VIPR1: variants seen among roughly 807,000 people sequenced by gnomAD.
The protein encoded by VIPR1 is vasoactive intestinal polypeptide receptor 1.
Under a neutral mutation model 58.8 loss-of-function variants are expected in VIPR1, and 59 were observed. The ratio of observed to expected loss-of-function variants is 1.00; its 90% CI spans 0.81 to 1.25. The LOEUF (loss-of-function observed/expected upper bound fraction) is 1.25, where lower values mean the gene tolerates loss of function less well. VIPR1 is among the 50% of genes most tolerant of loss of function. The pLI is 0.00. For synonymous variants in VIPR1, 251 were observed against 242.1 expected, an observed-to-expected ratio of 1.04 and a Z score of -0.34; for missense variants, 626 against 602.7, an observed-to-expected ratio of 1.04 and a Z score of -0.40.
chr3:42,498,699 T>C (rs978060130), upstream of VIPR1, among the ~76,000 whole-genome samples: 3 of 152,102 alleles, frequency 2.0e-5, no homozygotes, highest in Non-Finnish European at 4.4e-5. Context: ...GATGCAGGTG[T>C]AGCACCAACA....
chr3:42,503,665 G>A (rs1699981173), intron 1 of VIPR1, among the ~76,000 whole-genome samples: 3 of 152,106 alleles, frequency 2.0e-5, no homozygotes, highest in African/African-American at 7.2e-5. Context: ...TCTAGAACAG[G>A]GGAGACCTCA....
chr3:42,517,138 T>C (rs539808165), intron 2 of VIPR1, among the ~76,000 whole-genome samples: 1 of 152,326 alleles, frequency 6.6e-6, no homozygotes, highest in Admixed American at 6.5e-5. Context: ...CCAGGTGTCC[T>C]CCTCAGCCTT....
At chr3:42,508,269 C>A (rs768141337) in intron 1 of VIPR1, among the ~76,000 whole-genome samples, 16 of 152,148 alleles carry the variant, frequency 1.1e-4, no homozygotes, top group Non-Finnish European at 2.1e-4. Flanking sequence ...TGACCCTCAA[C>A]CCCAATTCTA....
intron 3 of VIPR1, 191 bp downstream of exon 3, chr3:42,519,521 G>C (rs1321064978): frequency 8.3e-6 from 4 of 479,594 alleles, no homozygotes; most frequent in Non-Finnish European, 1.5e-5. Context: ...TTCACATAAA[G>C]ATAAGCATGT....
At chr3:42,523,885 T>G (rs1417288644) in intron 3 of VIPR1, among the ~76,000 whole-genome samples, 2 of 151,694 alleles carry the variant, frequency 1.3e-5, no homozygotes, top group African/African-American at 4.9e-5. Context: ...TGGTGTGATC[T>G]CGGCTCACTG....
At chr3:42,527,338 C>T in intron 4 of VIPR1, 55 bp from the exon 5 acceptor site, 3 of 1,550,528 alleles carry the variant, frequency 1.9e-6, no homozygotes, top group Non-Finnish European at 2.7e-6. Context: ...GCCAATACCC[C>T]CTAGATGAGC....
intron 8 of VIPR1, 28 bp from the exon 9 acceptor site, chr3:42,531,775 C>A: frequency 6.2e-7 from 1 of 1,613,998 alleles, no homozygotes; most frequent in African/African-American, 1.3e-5. Context: ...AGGACAATCC[C>A]TCTCATTCCT....
intron 3 of VIPR1, among the ~76,000 whole-genome samples, chr3:42,520,268 G>A (rs979669926): frequency 2.6e-5 from 4 of 152,212 alleles, no homozygotes; most frequent in African/African-American, 7.2e-5. Flanking sequence ...CAGGTGCGCC[G>A]AGGCCAGACC....
chr3:42,502,813 G>T lies in VIPR1; in HGVS notation c.78G>T (p.Ala26=). 1 of 1,264,162 alleles carries T rather than the reference G, an allele frequency of 7.9e-7. No individual in the cohort carries two copies. The highest frequency in any genetic ancestry group is 4.2e-5 in the Admixed American group (1 of 23,822). The allele number at this position is 1,264,162 out of a possible 1,614,324, so 78.3% of individuals were successfully genotyped here. ...CCCTCGCCTGGGCCCTTGGGCCGGC[G>T]GTGAGTGTTCGCCCGGCCGCCCAGA... The part of the protein sequence containing the change: ...AGALAWALGP[A]GGQAARLQEE... The change falls in exon 1 of 13, where the codon GCG becomes GCT. Residue 26 remains alanine, a splice_region_variant and synonymous_variant. Transcript: ENST00000325123.
chr3:42,516,268 G>A (rs1700621771), intron 2 of VIPR1, among the ~76,000 whole-genome samples: 1 of 152,112 alleles, frequency 6.6e-6, no homozygotes, highest in Admixed American at 6.5e-5. Context: ...GGACCTATGG[G>A]GCCTCATTAG....
chr3:42,530,972 G>A (rs773152430), intron 7 of VIPR1, 40 bp downstream of exon 7: 2 of 1,609,830 alleles, frequency 1.2e-6, no homozygotes, highest in Admixed American at 1.7e-5. Context: ...GGGACAGAGG[G>A]GGCAAGGCCT....
At chr3:42,505,067 C>A (rs771929637) in intron 1 of VIPR1, among the ~76,000 whole-genome samples, 1 of 152,048 alleles carries the variant, frequency 6.6e-6, no homozygotes, top group African/African-American at 2.4e-5. Flanking sequence ...ATGCCCAGTA[C>A]GAGGCTGGGG....
Position 42,536,075 on chromosome 3 carries a change from C to A in VIPR1, c.1183-15C>A, listed in dbSNP as rs1308403970. 1.9e-6 allele frequency: 3 copies of A among 1,583,774 alleles called. No homozygotes were observed. The highest frequency in any genetic ancestry group is 2.6e-6 in the Non-Finnish European group (3 of 1,165,266). On this transcript the variant is annotated splice_polypyrimidine_tract_variant and intron_variant, in intron 12 of 12. Transcript: ENST00000325123. The stretch of plus-strand genomic sequence containing the variant: ...GCTCCACAGCAGTGGGCCTGACCAC[C>A]TTCCCCTCTCCTAGGTGCAGGCGGA...
intron 6 of VIPR1, 98 bp from the exon 7 acceptor site, chr3:42,530,681 C>A: frequency 7.3e-7 from 1 of 1,371,742 alleles, no homozygotes; most frequent in South Asian, 1.4e-5. Context: ...ATTAAGTTGG[C>A]TGCACTGCAA....
chr3:42,519,989 A>C (rs1369610683), intron 3 of VIPR1, among the ~76,000 whole-genome samples: 3 of 152,196 alleles, frequency 2.0e-5, no homozygotes, highest in Non-Finnish European at 4.4e-5. Context: ...CAGATGTATC[A>C]TCAATAATAA....
chr3:42,531,855 C>A lies in VIPR1; in HGVS notation c.904C>A (p.Leu302Ile), dbSNP rs756868403. The A allele has an allele frequency of 6.2e-7, 1 of 1,614,196 alleles. No homozygotes were observed. Among genetic ancestry groups the A allele is most frequent in the Admixed American group, 1.7e-5 (1 of 60,024 alleles). The change falls in exon 9 of 13, where the codon CTC (leucine) becomes ATC (isoleucine). Residue 302 changes from leucine to isoleucine, a missense_variant. Coordinates refer to ENST00000325123, the MANE Select transcript of VIPR1 (RefSeq NM_004624.4). ...GTGGTGGATCATAAAGGGCCCCATC[C>A]TCACCTCCATCTTGGTAAGATACCC... ...SLWWIIKGPILTSILVNFILF... is the reference protein window; with the variant it reads ...SLWWIIKGPIITSILVNFILF...
upstream of VIPR1, chr3:42,502,376 T>C (rs116970328): frequency 8.1e-4 from 158 of 195,700 alleles, 2 homozygotes; most frequent in East Asian, 0.018. Flanking sequence ...GGATGGAATG[T>C]GTTCGGGTCT....
intron 2 of VIPR1, among the ~76,000 whole-genome samples, chr3:42,515,014 G>A (rs992235514): frequency 6.6e-6 from 1 of 152,188 alleles, no homozygotes; most frequent in Admixed American, 6.5e-5. Flanking sequence ...TTACTGCCAG[G>A]GACACCAGCC....
At chr3:42,516,094 C>T (rs1700610157) in intron 2 of VIPR1, among the ~76,000 whole-genome samples, 1 of 152,142 alleles carries the variant, frequency 6.6e-6, no homozygotes, top group South Asian at 2.1e-4. Flanking sequence ...TGTGTGCACA[C>T]AAGTCTACAA....
Sources: allele counts gnomAD v4.1 joint callset (sites outside exome capture counted in the v4.1 genomes callset), GRCh38; gene constraint gnomAD v4.1.1; transcripts MANE v1.5; gene names NCBI Gene and HGNC (gene_info 2026-07-23, HGNC 2026-07-21).